Variants in PDE12 observed in about 807,000 individuals in gnomAD.
PDE12 encodes phosphodiesterase 12, also known as 2',5'-phosphodiesterase 12.
PDE12 carries 26 observed loss-of-function variants against 45.4 expected under a neutral mutation model. The observed-to-expected ratio is 0.57, with a 90% CI of 0.42 to 0.79. The LOEUF (loss-of-function observed/expected upper bound fraction) is 0.79. PDE12 is among the 30% of genes least tolerant of loss of function. The pLI is 0.00. For missense variants in PDE12, 668 were observed against 790.0 expected (o/e 0.85, Z 1.85); for synonymous variants, 283 against 323.9 (o/e 0.87, Z 1.36).
chr3:57,636,963 A>T, the PDE12 span, among the ~76,000 whole-genome samples: 4 of 149,852 alleles, frequency 2.7e-5, no homozygotes, highest in Non-Finnish European at 5.9e-5. Context: ...AAAAAAAGTT[A>T]TCCATAGGAA....
the PDE12 span, among the ~76,000 whole-genome samples, chr3:57,646,945 C>T: frequency 6.6e-6 from 1 of 152,310 alleles, no homozygotes; most frequent in East Asian, 1.9e-4. Flanking sequence ...GATACTCCCT[C>T]TACAGAAGTG....
At chr3:57,590,121 A>G in the PDE12 span, among the ~76,000 whole-genome samples, 1 of 147,258 alleles carries the variant, frequency 6.8e-6, no homozygotes, top group Non-Finnish European at 1.5e-5. Context: ...ATAAATAAAT[A>G]AATAAATAAA....
chr3:57,629,032 A>G, the PDE12 span: 10 of 553,428 alleles, frequency 1.8e-5, no homozygotes, highest in South Asian at 2.6e-4. Context: ...TAGTGCAAGA[A>G]TAATTCTCAT....
the PDE12 span, among the ~76,000 whole-genome samples, chr3:57,616,713 C>CA: frequency 6.6e-6 from 1 of 152,072 alleles, no homozygotes; most frequent in Admixed American, 6.6e-5. Flanking sequence ...CAAAAGCAGA[C>CA]AAAGACATTA....
chr3:57,619,483 T>G, the PDE12 span: 2 of 152,266 alleles, frequency 1.3e-5, no homozygotes, highest in African/African-American at 4.8e-5. Flanking sequence ...GCACTTCCCT[T>G]GGCAAGGTTG....
At chr3:57,628,303 T>G in the PDE12 span, 2 of 1,614,204 alleles carry the variant, frequency 1.2e-6, no homozygotes, top group Non-Finnish European at 1.7e-6. Flanking sequence ...AACTTTTCCA[T>G]AGTGTCAGGT....
chr3:57,610,195 T>TA, the PDE12 span, among the ~76,000 whole-genome samples: 1 of 152,176 alleles, frequency 6.6e-6, no homozygotes, highest in African/African-American at 2.4e-5. Context: ...CGCTTCATGC[T>TA]AAAAACTCTT....
the PDE12 span, among the ~76,000 whole-genome samples, chr3:57,591,095 A>C: frequency 6.6e-6 from 1 of 152,198 alleles, no homozygotes. Context: ...GTCTTGCAGA[A>C]AAATTAGAAC....
chr3:57,650,350 A>G, the PDE12 span, among the ~76,000 whole-genome samples: 11 of 152,038 alleles, frequency 7.2e-5, no homozygotes, highest in African/African-American at 2.4e-4. Flanking sequence ...GATTACTAAC[A>G]GAGGTATTGA....
At chr3:57,577,471 T>C in the PDE12 span, 3 of 1,003,880 alleles carry the variant, frequency 3.0e-6, no homozygotes, top group African/African-American at 1.6e-5. Context: ...ATGGTACCAA[T>C]GGTTAGACAT....
the PDE12 span, among the ~76,000 whole-genome samples, chr3:57,586,562 C>T: frequency 6.6e-6 from 1 of 152,108 alleles, no homozygotes; most frequent in Non-Finnish European, 1.5e-5. Flanking sequence ...AACCCTGTTC[C>T]CCACTTCGTA....
the PDE12 span, among the ~76,000 whole-genome samples, chr3:57,618,461 T>C: frequency 2.6e-5 from 4 of 152,030 alleles, no homozygotes; most frequent in Non-Finnish European, 5.9e-5. Flanking sequence ...CTCACTCTGT[T>C]GCCCAGGCTT....
At chr3:57,640,632 C>T in the PDE12 span, among the ~76,000 whole-genome samples, 4 of 151,916 alleles carry the variant, frequency 2.6e-5, no homozygotes, top group Non-Finnish European at 1.5e-5. Context: ...CTTTATAATC[C>T]CAACTATTTC....
At chr3:57,572,580 T>A in the PDE12 span, among the ~76,000 whole-genome samples, 1 of 152,174 alleles carries the variant, frequency 6.6e-6, no homozygotes, top group Admixed American at 6.5e-5. Context: ...AATTATTTTT[T>A]AAAAATAAAG....
At chr3:57,577,285 G>A in the PDE12 span, 3 of 1,575,650 alleles carry the variant, frequency 1.9e-6, no homozygotes, top group African/African-American at 4.0e-5. Context: ...AGCACACCTT[G>A]AAAATGATGA....
chr3:57,645,074 T>C, the PDE12 span, among the ~76,000 whole-genome samples: 1 of 152,100 alleles, frequency 6.6e-6, no homozygotes, highest in African/African-American at 2.4e-5. Flanking sequence ...AAGATTATTT[T>C]TTCTTTTTAC....
At chr3:57,572,227 C>T in the PDE12 span, 2 of 1,613,882 alleles carry the variant, frequency 1.2e-6, no homozygotes, top group East Asian at 2.2e-5. Flanking sequence ...GTTTTGAAAG[C>T]TCATTTGACA....
chr3:57,589,203 G>A, the PDE12 span, among the ~76,000 whole-genome samples: 1 of 152,170 alleles, frequency 6.6e-6, no homozygotes, highest in African/African-American at 2.4e-5. Context: ...AGGAGGTCAA[G>A]GCTGCAGTGA....
the PDE12 span, chr3:57,634,459 T>C: frequency 1.2e-5 from 6 of 509,952 alleles, no homozygotes; most frequent in African/African-American, 8.3e-5. Context: ...AAAGGAGAGA[T>C]CCTATTTCAC....
Sources: gnomAD v4.1 joint callset for allele counts (sites outside exome capture counted in the v4.1 genomes callset) on GRCh38, gnomAD v4.1.1 for gene constraint, MANE v1.5 for transcripts, NCBI Gene and HGNC (gene_info 2026-07-23, HGNC 2026-07-21) for gene names.